Variants in KIAA1217 observed in about 807,000 individuals in gnomAD.
The protein encoded by KIAA1217 is KIAA1217, also known as sickle tail protein homolog.
KIAA1217 carries 88 observed loss-of-function variants against 163.9 expected under a neutral mutation model. The observed-to-expected ratio is 0.54, with a 90% CI of 0.45 to 0.64. The LOEUF is 0.64. KIAA1217 is among the 30% of genes least tolerant of loss of function. The pLI is 0.00. For missense variants in KIAA1217, 2,372 were observed against 2,475.0 expected, an observed-to-expected ratio of 0.96 and a Z score of 0.88; for synonymous variants, 903 against 923.1, an observed-to-expected ratio of 0.98 and a Z score of 0.39.
At chr10:23,979,687 C>G (rs1845686015) in intron 1 of KIAA1217, among the ~76,000 whole-genome samples, 1 of 152,154 alleles carries the variant, frequency 6.6e-6, no homozygotes, top group Non-Finnish European at 1.5e-5. Context: ...TGCCCAGCCT[C>G]TCTCACAGGC....
At chr10:24,243,767 A>G (rs2131345874) in intron 2 of KIAA1217, among the ~76,000 whole-genome samples, 1 of 152,106 alleles carries the variant, frequency 6.6e-6, no homozygotes, top group Admixed American at 6.6e-5. Flanking sequence ...CTATGAATGT[A>G]TACAATATTC....
At chr10:23,801,272 C>T (rs192541654) in intron 1 of KIAA1217, among the ~76,000 whole-genome samples, 3 of 152,180 alleles carry the variant, frequency 2.0e-5, no homozygotes, top group Admixed American at 6.5e-5. Flanking sequence ...GGCAGTTGAA[C>T]AATGAGAACA....
chr10:23,832,459 G>T (rs1838253461), intron 1 of KIAA1217, among the ~76,000 whole-genome samples: 1 of 152,106 alleles, frequency 6.6e-6, no homozygotes, highest in Admixed American at 6.6e-5. Flanking sequence ...GCATAAGGAT[G>T]TTTGATTACA....
At chr10:24,110,945 T>C (rs2062822605) in intron 2 of KIAA1217, among the ~76,000 whole-genome samples, 1 of 152,234 alleles carries the variant, frequency 6.6e-6, no homozygotes, top group Non-Finnish European at 1.5e-5. Context: ...TTTAGTAATT[T>C]TTTTCTTTAT....
intron 2 of KIAA1217, among the ~76,000 whole-genome samples, chr10:24,350,000 A>G (rs1437531391): frequency 6.6e-6 from 1 of 152,192 alleles, no homozygotes; most frequent in South Asian, 2.1e-4. Flanking sequence ...GGAGGGAAAG[A>G]CAGGTAAAAG....
intron 2 of KIAA1217, among the ~76,000 whole-genome samples, chr10:24,372,153 A>G (rs1037491052): frequency 6.6e-6 from 1 of 152,222 alleles, no homozygotes; most frequent in Non-Finnish European, 1.5e-5. Flanking sequence ...CTCACCAAAC[A>G]GAAAACCAAT....
intron 1 of KIAA1217, among the ~76,000 whole-genome samples, chr10:23,900,766 C>T (rs184353323): frequency 5.3e-5 from 8 of 152,020 alleles, no homozygotes; most frequent in African/African-American, 9.6e-5. Context: ...TAGTGGAGGG[C>T]GAGAAATAGA....
intron 1 of KIAA1217, among the ~76,000 whole-genome samples, chr10:23,769,168 G>A (rs903890953): frequency 6.6e-6 from 1 of 152,180 alleles, no homozygotes; most frequent in Non-Finnish European, 1.5e-5. Flanking sequence ...TGATGGGTAG[G>A]GGGCTGCCAG....
At chr10:24,217,716 G>A (rs2069023164) in intron 1 of KIAA1217, among the ~76,000 whole-genome samples, 1 of 152,182 alleles carries the variant, frequency 6.6e-6, no homozygotes, top group Non-Finnish European at 1.5e-5. Flanking sequence ...TAGTGTGAAG[G>A]ATTGGTTCTC....
intron 1 of KIAA1217, among the ~76,000 whole-genome samples, chr10:23,793,518 C>T (rs1167252538): frequency 3.0e-4 from 46 of 152,172 alleles, no homozygotes; most frequent in Non-Finnish European, 1.9e-4. Context: ...TTTTGCACTA[C>T]TTCCAGGAAA....
chr10:23,866,646 C>G (rs1285052521), intron 1 of KIAA1217, among the ~76,000 whole-genome samples: 1 of 151,852 alleles, frequency 6.6e-6, no homozygotes, highest in East Asian at 2.0e-4. Flanking sequence ...AAGGTGCCAT[C>G]AGAGCTCCTC....
chr10:24,225,976 T>A (rs2070463282), intron 2 of KIAA1217, among the ~76,000 whole-genome samples: 2 of 152,172 alleles, frequency 1.3e-5, no homozygotes. Context: ...ATGTGATAGA[T>A]GGTACAGATA....
intron 2 of KIAA1217, among the ~76,000 whole-genome samples, chr10:24,092,551 C>T (rs977254954): frequency 2.6e-5 from 4 of 151,754 alleles, no homozygotes; most frequent in African/African-American, 9.7e-5. Context: ...TCTGTGTACA[C>T]CATGGAACAC....
At chr10:23,986,782 C>T (rs1376199764) in intron 1 of KIAA1217, among the ~76,000 whole-genome samples, 1 of 152,202 alleles carries the variant, frequency 6.6e-6, no homozygotes, top group Non-Finnish European at 1.5e-5. Flanking sequence ...CTGTTGCCTA[C>T]ACACGTTGTG....
At chr10:24,074,963 T>G (rs757409938) in intron 2 of KIAA1217, among the ~76,000 whole-genome samples, 1 of 152,108 alleles carries the variant, frequency 6.6e-6, no homozygotes. Flanking sequence ...TCTCCAAAAG[T>G]GCTGAGATTA....
chr10:24,363,583 G>A (rs912806456), intron 2 of KIAA1217, among the ~76,000 whole-genome samples: 1 of 74,588 alleles, frequency 1.3e-5, no homozygotes, highest in Non-Finnish European at 2.7e-5. Context: ...TTTTTTTTTT[G>A]AAACAGGGTC....
At chr10:24,196,211 T>C (rs2066984405) in intron 2 of KIAA1217, among the ~76,000 whole-genome samples, 1 of 152,038 alleles carries the variant, frequency 6.6e-6, no homozygotes, top group Non-Finnish European at 1.5e-5. Flanking sequence ...TTAAAGGCTT[T>C]ATTGTTACCT....
chr10:24,041,748 T>C lies in KIAA1217; in HGVS notation c.-171+34374T>C, dbSNP rs549307335. ...CACGGTCACCTCTTGGAATATACTA[T>C]AGGAATGTGCTAAAGCAAGGAAATA... On this transcript the variant is annotated intron_variant, in intron 2 of 18. Coordinates refer to the KIAA1217 transcript ENST00000376462. 2.0e-5 allele frequency among the ~76,000 whole-genome samples: 3 copies of C among 152,308 alleles called. No individual in the cohort carries two copies. In the East Asian group the frequency reaches 5.8e-4, roughly 29 times the overall value.
At chr10:24,033,433 C>G (rs1007349074) in intron 2 of KIAA1217, among the ~76,000 whole-genome samples, 1 of 152,118 alleles carries the variant, frequency 6.6e-6, no homozygotes, top group Non-Finnish European at 1.5e-5. Flanking sequence ...AGTGGCAAAG[C>G]GTGGCATAAT....
Sources: gnomAD v4.1 joint callset for allele counts (sites outside exome capture counted in the v4.1 genomes callset) on GRCh38, gnomAD v4.1.1 for gene constraint, MANE v1.5 for transcripts, NCBI Gene and HGNC (gene_info 2026-07-23, HGNC 2026-07-21) for gene names.